The following PTBP2 variants were observed in gnomAD, a reference collection of about 807,000 sequenced individuals.
The protein encoded by PTBP2 is polypyrimidine tract binding protein 2, also known as polypyrimidine tract-binding protein 2.
Under a neutral mutation model 61.4 loss-of-function variants are expected in PTBP2, and 13 were observed. That is an observed-to-expected ratio of 0.21 (90% CI 0.14 to 0.34). The LOEUF (loss-of-function observed/expected upper bound fraction) is 0.34. PTBP2 is among the 10% of genes least tolerant of loss of function. The pLI, the probability that PTBP2 is intolerant of heterozygous loss-of-function variation, is 1.00. For synonymous variants in PTBP2, 215 were observed against 218.5 expected (o/e 0.98, Z 0.14); for missense variants, 405 against 642.6 (o/e 0.63, Z 4.00).
chr1:96,804,789 T>C lies in PTBP2; in HGVS notation c.905-11T>C. Reference sequence around the variant, plus strand: ...TATGCTTTATTTTAAAATTAGGGCTTCCTGTTGCAGCTGTTCCAGGAGCTC... The same window carrying C: ...TATGCTTTATTTTAAAATTAGGGCTCCCTGTTGCAGCTGTTCCAGGAGCTC... On this transcript the variant is annotated splice_polypyrimidine_tract_variant and intron_variant, in intron 8 of 13. Transcript: ENST00000674951. 1 of 1,585,700 alleles carries C rather than the reference T, an allele frequency of 6.3e-7. No individual in the cohort carries two copies. Among genetic ancestry groups the C allele is most frequent in the Non-Finnish European group, 8.6e-7 (1 of 1,167,672 alleles).
At chr1:96,754,279 A>G (rs1406358812) in intron 3 of PTBP2, among the ~76,000 whole-genome samples, 1 of 152,150 alleles carries the variant, frequency 6.6e-6, no homozygotes, top group Non-Finnish European at 1.5e-5. Context: ...AATGGTTAAT[A>G]TGTGTATAAA....
At chr1:96,818,454 C>G (rs899673413), downstream of PTBP2, 3 of 152,026 alleles carry the variant, frequency 2.0e-5, no homozygotes, top group African/African-American at 7.2e-5. Flanking sequence ...TATTCGTGGT[C>G]ATAGTTGCTT....
chr1:96,806,273 C>T lies in PTBP2; in HGVS notation c.1045-146C>T, dbSNP rs898069403. The T allele has an allele frequency of 1.6e-5, 11 of 703,334 alleles. No individual in the cohort carries two copies. The African/African-American group carries it at 1.8e-4, about 11-fold the overall frequency. 43.6% of individuals were successfully genotyped at this position (703,334 alleles called of 1,614,324 possible). A position where few individuals can be genotyped will look rare whatever the true frequency, so the allele number is the denominator to read the frequency against. On this transcript the variant is annotated intron_variant, in intron 9 of 13. Coordinates refer to ENST00000674951, the MANE Select transcript of PTBP2 (RefSeq NM_021190.4). Reference sequence around the variant, plus strand: ...AAATGTTCCTCGGACCAACTTGCCCCAATTAACCGCCTTGAACCATGATCC... The same window carrying T: ...AAATGTTCCTCGGACCAACTTGCCCTAATTAACCGCCTTGAACCATGATCC...
At chr1:96,817,363 A>G (rs182622201), downstream of PTBP2, 443 of 142,284 alleles carry the variant, frequency 3.1e-3, 2 homozygotes, top group African/African-American at 0.012. Flanking sequence ...TCTGATGGCA[A>G]GAATTCAGCA....
At chr1:96,755,077 A>G (rs1655006149) in intron 3 of PTBP2, among the ~76,000 whole-genome samples, 1 of 152,234 alleles carries the variant, frequency 6.6e-6, no homozygotes, top group Non-Finnish European at 1.5e-5. Flanking sequence ...GAAGAACATC[A>G]TAACAAAGCA....
chr1:96,746,438 C>A (rs1213881835), intron 2 of PTBP2, among the ~76,000 whole-genome samples: 1 of 152,024 alleles, frequency 6.6e-6, no homozygotes, highest in Non-Finnish European at 1.5e-5. Flanking sequence ...TTTTTCCCCC[C>A]ACATTTATGG....
At chr1:96,760,315 G>A (rs916742659) in intron 3 of PTBP2, among the ~76,000 whole-genome samples, 1 of 151,934 alleles carries the variant, frequency 6.6e-6, no homozygotes, top group African/African-American at 2.4e-5. Context: ...AAAACCATTA[G>A]AGATAGAATT....
intron 3 of PTBP2, among the ~76,000 whole-genome samples, chr1:96,757,962 C>T (rs1655351016): frequency 6.6e-6 from 1 of 151,732 alleles, no homozygotes; most frequent in African/African-American, 2.4e-5. Flanking sequence ...TTTAAAACTC[C>T]CAATTTAAGA....
intron 11 of PTBP2, among the ~76,000 whole-genome samples, chr1:96,809,909 A>G (rs1029424878): frequency 2.0e-5 from 3 of 152,148 alleles, no homozygotes; most frequent in African/African-American, 7.2e-5. Flanking sequence ...AATCAATGGT[A>G]TAAAAGACAG....
intron 8 of PTBP2, 140 bp from the exon 9 acceptor site, chr1:96,804,660 A>C (rs1661333722): frequency 1.3e-6 from 1 of 777,464 alleles, no homozygotes; most frequent in Non-Finnish European, 2.0e-6. Flanking sequence ...TCTAAACACT[A>C]TAAAAATTAA....
At chr1:96,791,162 C>G (rs948628599) in intron 8 of PTBP2, among the ~76,000 whole-genome samples, 1 of 151,998 alleles carries the variant, frequency 6.6e-6, no homozygotes, top group Non-Finnish European at 1.5e-5. Context: ...TAAAAAAAAT[C>G]TTTTGTGAAA....
chr1:96,773,147 G>GA (rs1657593375), intron 5 of PTBP2, among the ~76,000 whole-genome samples: 5 of 102,112 alleles, frequency 4.9e-5, no homozygotes, highest in African/African-American at 2.0e-4. Flanking sequence ...AAAAAAAAAA[G>GA]AGTAAAGCTG....
rs762553227 is a variant in PTBP2, at chr1:96,813,438, A to G, written c.*33A>G. On this transcript the variant is annotated 3_prime_UTR_variant, in exon 14 of 14. Coordinates refer to ENST00000674951, the MANE Select transcript of PTBP2 (RefSeq NM_021190.4). ...AAGATGAAGATTGGGGGTGAATCAC[A>G]TTGTTCAATGTCATCACCTATTTGA... 7 of 1,541,188 alleles carry G rather than the reference A, an allele frequency of 4.5e-6. No homozygotes were observed. In the South Asian group the frequency reaches 7.4e-5, roughly 16 times the overall value.
At chr1:96,818,705 A>C (rs1662570722), downstream of PTBP2, 1 of 152,090 alleles carries the variant, frequency 6.6e-6, no homozygotes, top group African/African-American at 2.4e-5. Flanking sequence ...TCAGCTTCAA[A>C]GTTTTTTCCT....
intron 7 of PTBP2, among the ~76,000 whole-genome samples, 159 bp downstream of exon 7, chr1:96,778,105 AAT>A (rs1658237344): frequency 6.6e-6 from 1 of 151,246 alleles, no homozygotes; most frequent in Non-Finnish European, 1.5e-5. Context: ...TCATAAAAGA[AAT>A]ATTTATTTTT....
intron 7 of PTBP2, among the ~76,000 whole-genome samples, chr1:96,784,765 GT>G (rs2101071451): frequency 6.6e-6 from 1 of 152,092 alleles, no homozygotes; most frequent in Non-Finnish European, 1.5e-5. Context: ...ATCCTTATTA[GT>G]TTTTTTAAAA....
At chr1:96,782,898 A>G (rs1419914944) in intron 7 of PTBP2, among the ~76,000 whole-genome samples, 1 of 151,660 alleles carries the variant, frequency 6.6e-6, no homozygotes, top group Non-Finnish European at 1.5e-5. Context: ...CTGTGTTTTG[A>G]TTTCCATGTT....
At chr1:96,812,167 G>T (rs1332926553) in intron 11 of PTBP2, among the ~76,000 whole-genome samples, 1 of 152,124 alleles carries the variant, frequency 6.6e-6, no homozygotes, top group Admixed American at 6.6e-5. Flanking sequence ...TGTCCTTAAG[G>T]GTTTTAAGCA....
Position 96,735,036 on chromosome 1 carries a change from G to C in PTBP2, c.39+11442G>C, listed in dbSNP as rs1055159375. Among the ~76,000 whole-genome samples, 88 of 150,940 alleles carry C rather than the reference G, an allele frequency of 5.8e-4. 1 individual carries two copies. The highest frequency in any genetic ancestry group is 4.0e-4 in the Admixed American group (6 of 15,066). On this transcript the variant is annotated intron_variant, in intron 2 of 13. Coordinates refer to ENST00000674951, the MANE Select transcript of PTBP2 (RefSeq NM_021190.4). ...GGATTCAAGCGATTCTCCTGCCTCA[G>C]CTTCCCAAGTAGCTGGAACTACAGG...
Sources: gnomAD v4.1 joint callset for allele counts (sites outside exome capture counted in the v4.1 genomes callset) on GRCh38, gnomAD v4.1.1 for gene constraint, MANE v1.5 for transcripts, NCBI Gene and HGNC (gene_info 2026-07-23, HGNC 2026-07-21) for gene names.